RFX4: variants seen among roughly 807,000 people sequenced by gnomAD.
The protein encoded by RFX4 is regulatory factor X4.
In RFX4, 10 loss-of-function variants were observed where a neutral mutation model predicts 95.0. The ratio of observed to expected loss-of-function variants is 0.11; its 90% CI spans 0.06 to 0.18. The LOEUF is 0.18. Among genes scored for constraint, RFX4 ranks in the 10% least tolerant of loss-of-function variants. The pLI, the probability that RFX4 is intolerant of heterozygous loss-of-function variation, is 1.00. For synonymous variants in RFX4, 321 were observed against 340.7 expected (o/e 0.94, Z 0.64); for missense variants, 640 against 922.0 (o/e 0.69, Z 3.96).
chr12:106,742,340 C>A (rs1171630721), intron 15 of RFX4, among the ~76,000 whole-genome samples: 2 of 152,162 alleles, frequency 1.3e-5, no homozygotes, highest in Non-Finnish European at 2.9e-5. Context: ...GCACACACCA[C>A]CACACCCAGC....
intron 8 of RFX4, among the ~76,000 whole-genome samples, chr12:106,705,302 A>G (rs1410383233): frequency 6.6e-6 from 1 of 152,206 alleles, no homozygotes; most frequent in African/African-American, 2.4e-5. Flanking sequence ...TCAGGGAGCT[A>G]CGAGTGTGGA....
At chr12:106,593,338 A>G (rs1392949657) in intron 1 of RFX4, among the ~76,000 whole-genome samples, 1 of 152,224 alleles carries the variant, frequency 6.6e-6, no homozygotes, top group Non-Finnish European at 1.5e-5. Flanking sequence ...GTTTAGACAC[A>G]ACCTAAGTGA....
chr12:106,699,038 G>C lies in RFX4; in HGVS notation c.833+2592G>C, dbSNP rs115304995. ...AAATCTTTCTACTTTCCTAATAAAA[G>C]CATTTAATGCTATAAATTTTATTCT... is the stretch of plus-strand genomic sequence containing the variant. On this transcript the variant is annotated intron_variant, in intron 8 of 17. Transcript: ENST00000392842. 4.5e-3 allele frequency among the ~76,000 whole-genome samples: 690 copies of C among 152,048 alleles called. 3 individuals carry two copies. The highest frequency in any genetic ancestry group is 0.016 in the African/African-American group (667 of 41,516).
intron 2 of RFX4, among the ~76,000 whole-genome samples, chr12:106,630,527 T>A (rs1456719086): frequency 6.6e-6 from 1 of 152,162 alleles, no homozygotes; most frequent in Non-Finnish European, 1.5e-5. Context: ...GTCACCCTGC[T>A]CATCAGCTGG....
chr12:106,629,779 G>C (rs1163871466), intron 2 of RFX4, among the ~76,000 whole-genome samples: 25 of 152,084 alleles, frequency 1.6e-4, no homozygotes, highest in Admixed American at 1.6e-3. Context: ...AGTCTTTCCA[G>C]CTAATTTTTT....
chr12:106,626,057 T>C (rs1001101241), intron 2 of RFX4, among the ~76,000 whole-genome samples: 16 of 152,220 alleles, frequency 1.1e-4, no homozygotes, highest in Admixed American at 9.2e-4. Context: ...ATATTAACAA[T>C]GCAAGGCCAT....
At chr12:106,711,404 G>A (rs967886532) in intron 9 of RFX4, 49 bp from the exon 10 acceptor site, 2 of 1,556,352 alleles carry the variant, frequency 1.3e-6, no homozygotes, top group Non-Finnish European at 1.8e-6. Context: ...ATCCAAGTTA[G>A]AATCATAAAG....
rs2039463001 is a variant in RFX4 at position 106,586,704 on chromosome 12, C to T, written c.43+3341C>T. Among the ~76,000 whole-genome samples the T allele has an allele frequency of 6.6e-6, 1 of 152,160 alleles. No homozygotes were observed. Among genetic ancestry groups the T allele is most frequent in the African/African-American group, 2.4e-5 (1 of 41,444 alleles). ...GGGAGGGCACGCTAGTTTACAGGCC[C>T]CCAGCTCAGCACAAATTCTTTCTAA... is the stretch of plus-strand genomic sequence containing the variant. On this transcript the variant is annotated intron_variant, in intron 1 of 17. Transcript: ENST00000392842. This position sits in a 1 kb window ranked among gnomAD's most constrained non-coding sequence, Gnocchi z 5.6.
chr12:106,731,760 C>A (rs371947658), intron 13 of RFX4, among the ~76,000 whole-genome samples: 1 of 152,034 alleles, frequency 6.6e-6, no homozygotes, highest in Admixed American at 6.6e-5. Flanking sequence ...AAATGAGAGA[C>A]ACTATGTTAA....
chr12:106,741,038 G>C (rs1180904072), intron 15 of RFX4, among the ~76,000 whole-genome samples: 1 of 152,192 alleles, frequency 6.6e-6, no homozygotes, highest in African/African-American at 2.4e-5. Context: ...GCAGAGGCTA[G>C]ATTATGCAGC....
intron 11 of RFX4, among the ~76,000 whole-genome samples, chr12:106,716,031 TC>T (rs1322197523): frequency 1.3e-5 from 2 of 152,168 alleles, no homozygotes; most frequent in Non-Finnish European, 2.9e-5. Context: ...TATGTTCATG[TC>T]CCGGTGAACA....
rs189172958 is a variant in RFX4, at chr12:106,721,647, T to C, written c.1351+771T>C. On this transcript the variant is annotated intron_variant, in intron 13 of 17. Coordinates refer to ENST00000392842, the MANE Select transcript of RFX4 (RefSeq NM_213594.3). ...GGACTTTTAGGCATTATCCAGACATTTGAAATCCCAAAACATTTTGGTTTC... is the reference window on the plus strand; with the variant it reads ...GGACTTTTAGGCATTATCCAGACATCTGAAATCCCAAAACATTTTGGTTTC... Among the ~76,000 whole-genome samples, 139 of 152,342 alleles carry C rather than the reference T, an allele frequency of 9.1e-4. 1 individual carries two copies. The highest frequency in any genetic ancestry group is 3.0e-3 in the African/African-American group (126 of 41,584).
chr12:106,700,578 T>C (rs962446340), intron 8 of RFX4, among the ~76,000 whole-genome samples: 2 of 151,350 alleles, frequency 1.3e-5, no homozygotes, highest in Admixed American at 1.3e-4. Context: ...GGCTAATTTT[T>C]TGTATTTTTA....
intron 13 of RFX4, among the ~76,000 whole-genome samples, chr12:106,724,307 C>A (rs1203536458): frequency 6.6e-6 from 1 of 152,158 alleles, no homozygotes; most frequent in Admixed American, 6.5e-5. Flanking sequence ...GGAGAATTTC[C>A]TTGCACAAGA....
intron 11 of RFX4, among the ~76,000 whole-genome samples, chr12:106,719,108 C>T (rs1388587137): frequency 6.6e-6 from 1 of 151,806 alleles, no homozygotes; most frequent in African/African-American, 2.4e-5. Context: ...GGCAACAAGG[C>T]GAGACTCCAT....
intron 3 of RFX4, among the ~76,000 whole-genome samples, chr12:106,643,722 T>TAA (rs138826160): frequency 2.0e-5 from 3 of 151,262 alleles, no homozygotes; most frequent in African/African-American, 7.3e-5. Context: ...TTTGCTAGCT[T>TAA]AAAAAAAAAC....
At chr12:106,623,876 C>T (rs1418434800) in intron 2 of RFX4, among the ~76,000 whole-genome samples, 3 of 152,162 alleles carry the variant, frequency 2.0e-5, no homozygotes, top group Non-Finnish European at 4.4e-5. Flanking sequence ...TTTATTTAAC[C>T]GAAGATGGGA....
intron 17 of RFX4, among the ~76,000 whole-genome samples, chr12:106,758,938 T>C (rs190647030): frequency 2.6e-5 from 4 of 152,350 alleles, no homozygotes; most frequent in Admixed American, 2.6e-4. Context: ...TAAAATTCTT[T>C]CTAGTAGTAA....
chr12:106,750,858 C>T lies in RFX4; in HGVS notation c.1935+65C>T, dbSNP rs2042987929. On this transcript the variant is annotated intron_variant, in intron 17 of 17. Coordinates refer to ENST00000392842, the MANE Select transcript of RFX4 (RefSeq NM_213594.3). The stretch of plus-strand genomic sequence containing the variant: ...TACTTGGTGCCAAATCTGGTTAACA[C>T]AGTTCATAAACTGTTATGCATACTG... The T allele has an allele frequency of 2.1e-6, 3 of 1,434,838 alleles. No individual in the cohort carries two copies. In the African/African-American group the frequency reaches 4.3e-5, roughly 21 times the overall value. 88.9% of individuals were successfully genotyped at this position (1,434,838 alleles called of 1,614,324 possible).
Sources: allele counts gnomAD v4.1 joint callset (sites outside exome capture counted in the v4.1 genomes callset), GRCh38; gene constraint gnomAD v4.1.1; non-coding constraint Gnocchi (gnomAD v3.1); transcripts MANE v1.5; gene names NCBI Gene and HGNC (gene_info 2026-07-23, HGNC 2026-07-21).